Variants in FGD6 observed in about 807,000 individuals in gnomAD.
FGD6 encodes FYVE, RhoGEF and PH domain containing 6, also known as FYVE, RhoGEF and PH domain-containing protein 6.
A neutral mutation model predicts 149.4 loss-of-function variants in FGD6; 90 were observed. The observed-to-expected ratio is 0.60, with a 90% CI of 0.51 to 0.72. The LOEUF is 0.72. FGD6 is among the 30% of genes least tolerant of loss of function. The pLI is 0.00. For missense variants in FGD6, 1,437 were observed against 1,684.8 expected, an observed-to-expected ratio of 0.85 and a Z score of 2.57; for synonymous variants, 527 against 584.0, an observed-to-expected ratio of 0.90 and a Z score of 1.41.
intron 1 of FGD6, among the ~76,000 whole-genome samples, chr12:95,216,816 CACTT>C (rs1163041317): frequency 9.9e-5 from 15 of 152,186 alleles, no homozygotes; most frequent in African/African-American, 3.4e-4. Context: ...GAAAGCGACT[CACTT>C]AGTGGCCAAA....
chr12:95,131,108 GTTTTTTTTTTTT>G (rs59897965), intron 8 of FGD6, among the ~76,000 whole-genome samples: 1 of 128,362 alleles, frequency 7.8e-6, no homozygotes, highest in South Asian at 2.6e-4. Flanking sequence ...TGGCTAAAGA[GTTTTTTTTTTTT>G]TTTTTTTTTG....
chr12:95,211,463 T>C (rs949296141), intron 1 of FGD6, among the ~76,000 whole-genome samples, 196 bp from the exon 2 acceptor site: 2 of 152,322 alleles, frequency 1.3e-5, no homozygotes, highest in South Asian at 2.1e-4. Context: ...TTTGGGTCTA[T>C]TGTACATTTT....
Position 95,172,638 on chromosome 12 carries a change from A to C in FGD6, c.2548T>G (p.Ser850Ala). 1 of 1,612,782 alleles carries C rather than the reference A, an allele frequency of 6.2e-7. No homozygotes were observed. Among genetic ancestry groups the C allele is most frequent in the Non-Finnish European group, 8.5e-7 (1 of 1,179,350 alleles). ...SSDEDDVSSE[S>A]SKGEPDPLED... The stretch of plus-strand genomic sequence containing the variant: ...AGTGGGTCAGGCTCTCCTTTACTTG[A>C]CTCAGAGCTGACATCATCTTCATCA... Residue 850 changes from serine (S) to alanine (A), a missense_variant, in exon 3 of 21, where the codon TCA becomes GCA. Coordinates refer to ENST00000343958, the MANE Select transcript of FGD6 (RefSeq NM_018351.4).
At chr12:95,126,497 G>A in intron 8 of FGD6, 1 of 542,880 alleles carries the variant, frequency 1.8e-6, no homozygotes, top group Non-Finnish European at 3.2e-6. Context: ...GGGAGGCTGA[G>A]GCAGGTGGAT....
intron 18 of FGD6, among the ~76,000 whole-genome samples, chr12:95,086,536 CTTTTTTTTTTTTTTT>C (rs1010739533): frequency 9.5e-6 from 1 of 105,756 alleles, no homozygotes; most frequent in African/African-American, 3.5e-5. Flanking sequence ...TTTTTTTTTT[CTTTTTTTTTTTTTTT>C]TTTTTTGAGA....
rs368887585 is a variant in FGD6 at position 95,153,037 on chromosome 12, T to C, written c.2587-44A>G. On this transcript the variant is annotated intron_variant, in intron 3 of 20. Transcript: ENST00000343958. ...TTAACATGAACTCATAAAAGAATAA[T>C]GAAGATCAGCTATGAGCTAGTCAGA... is the stretch of plus-strand genomic sequence containing the variant. The C allele has an allele frequency of 1.2e-5, 19 of 1,564,810 alleles. No homozygotes were observed. In the African/African-American group the frequency reaches 2.0e-4, roughly 17 times the overall value.
At chr12:95,174,789 A>G (rs796159335) in intron 2 of FGD6, among the ~76,000 whole-genome samples, 20 of 152,002 alleles carry the variant, frequency 1.3e-4, no homozygotes, top group African/African-American at 4.1e-4. Flanking sequence ...TTAGCCAGGC[A>G]TGGTGGAGGG....
At chr12:95,087,493 C>T (rs992533050) in intron 18 of FGD6, among the ~76,000 whole-genome samples, 17 of 152,168 alleles carry the variant, frequency 1.1e-4, no homozygotes, top group Non-Finnish European at 5.9e-5. Flanking sequence ...TGAGGACCTC[C>T]AGCCAAAAGC....
intron 2 of FGD6, among the ~76,000 whole-genome samples, chr12:95,201,922 T>C (rs1281133104): frequency 6.6e-6 from 1 of 151,358 alleles, no homozygotes; most frequent in Non-Finnish European, 1.5e-5. Flanking sequence ...ATTTCAGCTA[T>C]CTCAAAAAAA....
At position 95,079,416 on chromosome 12, in the gene FGD6, G is replaced by T. The variant is rs1877598724; in HGVS notation, c.*2104C>A. The T allele has an allele frequency of 6.6e-6, 1 of 152,182 alleles. No homozygotes were observed. Among genetic ancestry groups the T allele is most frequent in the Admixed American group, 6.5e-5 (1 of 15,274 alleles). The allele number at this position is 152,182 out of a possible 1,614,324, so 9.4% of individuals were successfully genotyped here. A position where few individuals can be genotyped will look rare whatever the true frequency, so the allele number is the denominator to read the frequency against. On this transcript the variant is annotated 3_prime_UTR_variant, in exon 21 of 21. Transcript: ENST00000343958. ...CAGCCAGGTCTTAGAAGATAGAATA[G>T]CCTGGCTGATATTTTTTAGATTATA...
In FGD6 at chr12:95,084,479, A is replaced by C. The variant is rs1485101716; in HGVS notation, c.4256+19T>G. 1 of 1,511,716 alleles carries C rather than the reference A, an allele frequency of 6.6e-7. No individual in the cohort carries two copies. The highest frequency in any genetic ancestry group is 1.4e-5 in the African/African-American group (1 of 70,166). The allele number at this position is 1,511,716 out of a possible 1,614,324, so 93.6% of individuals were successfully genotyped here. A position where few individuals can be genotyped will look rare whatever the true frequency, so the allele number is the denominator to read the frequency against. Reference sequence around the variant, plus strand: ...CTGAAATCTCATGAATAAAAGAAAAATATGGCCAGATTACTTACTTCTGAG... The same window carrying C: ...CTGAAATCTCATGAATAAAAGAAAACTATGGCCAGATTACTTACTTCTGAG... On this transcript the variant is annotated intron_variant, in intron 20 of 20. Transcript: ENST00000343958.
rs1466440778 is a variant in FGD6 at position 95,076,912 on chromosome 12, A to T, written c.*4608T>A. The T allele has an allele frequency of 6.6e-6, 1 of 151,992 alleles. No homozygotes were observed. The highest frequency in any genetic ancestry group is 1.5e-5 in the Non-Finnish European group (1 of 68,004). The allele number at this position is 151,992 out of a possible 1,614,324, so 9.4% of individuals were successfully genotyped here. On this transcript the variant is annotated 3_prime_UTR_variant, in exon 21 of 21. Coordinates refer to ENST00000343958, the MANE Select transcript of FGD6 (RefSeq NM_018351.4). ...TATAAGCCATTAAAAAAAAAACGAT[A>T]TTTCAAGATTGGTTCTTACATGCTA...
At chr12:95,186,946 A>T (rs1881452536) in intron 2 of FGD6, among the ~76,000 whole-genome samples, 1 of 152,198 alleles carries the variant, frequency 6.6e-6, no homozygotes, top group Non-Finnish European at 1.5e-5. Flanking sequence ...AAATTAATAC[A>T]AGCAATGCAC....
intron 8 of FGD6, among the ~76,000 whole-genome samples, chr12:95,124,338 G>A (rs921933498): frequency 1.3e-5 from 2 of 152,102 alleles, no homozygotes; most frequent in African/African-American, 2.4e-5. Flanking sequence ...ACCCATATTT[G>A]GTCTGTACCA....
At chr12:95,207,388 C>T (rs954974931) in intron 2 of FGD6, among the ~76,000 whole-genome samples, 3 of 152,120 alleles carry the variant, frequency 2.0e-5, no homozygotes, top group Non-Finnish European at 4.4e-5. Flanking sequence ...AGCGTGAGAA[C>T]GGACTAATAC....
chr12:95,216,708 T>TCCTCTG (rs1205285880), intron 1 of FGD6, among the ~76,000 whole-genome samples: 21 of 134,496 alleles, frequency 1.6e-4, no homozygotes, highest in African/African-American at 5.5e-4. Context: ...CAATCTCAAC[T>TCCTCTG]CCTCTGCTTC....
At chr12:95,145,008 C>CTTTTTT (rs1879967392) in intron 5 of FGD6, among the ~76,000 whole-genome samples, 1 of 37,040 alleles carries the variant, frequency 2.7e-5, no homozygotes, top group African/African-American at 1.2e-4. Context: ...TTTTTTTTTG[C>CTTTTTT]GACAGAGTCT....
chr12:95,138,999 T>C (rs543130745), intron 6 of FGD6, among the ~76,000 whole-genome samples: 65 of 152,210 alleles, frequency 4.3e-4, no homozygotes, highest in Non-Finnish European at 5.7e-4. Flanking sequence ...GACTAGCACA[T>C]AGTAGATATG....
intron 3 of FGD6, among the ~76,000 whole-genome samples, chr12:95,162,894 G>A (rs1037422755): frequency 3.3e-5 from 5 of 152,132 alleles, no homozygotes; most frequent in African/African-American, 1.2e-4. Flanking sequence ...AAGCTTAAAT[G>A]ATCCTTTCCT....
Sources: allele counts gnomAD v4.1 joint callset (sites outside exome capture counted in the v4.1 genomes callset), GRCh38; gene constraint gnomAD v4.1.1; transcripts MANE v1.5; gene names NCBI Gene and HGNC (gene_info 2026-07-23, HGNC 2026-07-21).